Variants in CDH3 observed in about 807,000 individuals in gnomAD.
The protein encoded by CDH3 is cadherin-3.
Under a neutral mutation model 82.0 loss-of-function variants are expected in CDH3, and 54 were observed. The observed-to-expected ratio is 0.66, with a 90% CI of 0.53 to 0.83. The LOEUF is 0.83. CDH3 is among the 40% of genes least tolerant of loss of function. CDH3 has a pLI of 0.00. For missense variants in CDH3, 1,054 were observed against 1,084.6 expected, an observed-to-expected ratio of 0.97 and a Z score of 0.40; for synonymous variants, 446 against 437.9, an observed-to-expected ratio of 1.02 and a Z score of -0.23.
chr16:68,656,379 A>G (rs1474143726), intron 2 of CDH3, among the ~76,000 whole-genome samples: 1 of 152,096 alleles, frequency 6.6e-6, no homozygotes, highest in Non-Finnish European at 1.5e-5. Flanking sequence ...TTCTCATTTC[A>G]TTTAGTCACC....
intron 1 of CDH3, among the ~76,000 whole-genome samples, chr16:68,720,180 A>C (rs1962144607): frequency 1.3e-5 from 2 of 151,988 alleles, no homozygotes; most frequent in Non-Finnish European, 2.9e-5. Context: ...AAACCAAACC[A>C]AAACAAAAAA....
At chr16:68,655,491 G>A (rs1960387906) in intron 2 of CDH3, among the ~76,000 whole-genome samples, 1 of 152,152 alleles carries the variant, frequency 6.6e-6, no homozygotes, top group South Asian at 2.1e-4. Flanking sequence ...TGGCCTCAAA[G>A]GGCCACTTAT....
chr16:68,723,841 G>A (rs972141248), intron 2 of CDH3, among the ~76,000 whole-genome samples: 2 of 152,064 alleles, frequency 1.3e-5, no homozygotes, highest in African/African-American at 4.8e-5. Context: ...AGGCCGAGGT[G>A]GGTGGATCAC....
chr16:68,731,780 G>T (rs982227859), downstream of CDH3, among the ~76,000 whole-genome samples: 21 of 151,992 alleles, frequency 1.4e-4, no homozygotes, highest in African/African-American at 5.1e-4. Flanking sequence ...AATGGCTGCA[G>T]TGAGCCGAGA....
At chr16:68,704,077 G>A (rs1394805552), downstream of CDH3, among the ~76,000 whole-genome samples, 2 of 152,104 alleles carry the variant, frequency 1.3e-5, no homozygotes, top group Non-Finnish European at 2.9e-5. Context: ...ACGAGGTCAG[G>A]AGATCGAGAC....
chr16:68,721,986 G>C (rs1161188662), intron 1 of CDH3, among the ~76,000 whole-genome samples: 1 of 152,104 alleles, frequency 6.6e-6, no homozygotes, highest in African/African-American at 2.4e-5. Context: ...CTACTCAGGA[G>C]ACTGAGGCAG....
At position 68,687,785 on chromosome 16, in the gene CDH3, G is replaced by A. The variant is rs375258307; in HGVS notation, c.1795+49G>A. ...GGGTGGGGTGCCAGCCCCACTGGTGGGCATCTGCCCCACACCAGGATTCTG... is the reference window on the plus strand; with the variant it reads ...GGGTGGGGTGCCAGCCCCACTGGTGAGCATCTGCCCCACACCAGGATTCTG... On this transcript the variant is annotated intron_variant, in intron 12 of 15. Transcript: ENST00000264012. The A allele has an allele frequency of 1.1e-3, 1,498 of 1,353,832 alleles. 13 individuals are homozygous for A. The highest frequency in any genetic ancestry group is 8.6e-3 in the South Asian group (737 of 85,374). The allele number at this position is 1,353,832 out of a possible 1,614,324, so 83.9% of individuals were successfully genotyped here.
intron 13 of CDH3, 120 bp downstream of exon 13, chr16:68,692,046 AT>A (rs1216870997): frequency 1.2e-4 from 88 of 727,572 alleles, no homozygotes; most frequent in East Asian, 1.6e-4. Context: ...CTCCTTAAAC[AT>A]TTTTTTTAAG....
exon 2 of CDH3, chr16:68,722,471 CCGGCTA>C (rs1407917980): frequency 1.3e-5 from 2 of 152,246 alleles, no homozygotes; most frequent in Non-Finnish European, 2.9e-5. Context: ...GCTCTTGCCA[CCGGCTA>C]CAGTCTGGAT....
At chr16:68,715,054 C>G (rs1299109932) in intron 1 of CDH3, among the ~76,000 whole-genome samples, 3 of 151,848 alleles carry the variant, frequency 2.0e-5, no homozygotes, top group Non-Finnish European at 4.4e-5. Context: ...GTACTATTAG[C>G]TCCATTTTAC....
chr16:68,674,325 TA>T (rs1960972786), intron 2 of CDH3, among the ~76,000 whole-genome samples: 1 of 152,254 alleles, frequency 6.6e-6, no homozygotes, highest in Non-Finnish European at 1.5e-5. Context: ...GGCCATTGTG[TA>T]TCTTCTCTGG....
intron 2 of CDH3, among the ~76,000 whole-genome samples, chr16:68,723,807 C>T (rs1018916512): frequency 1.2e-4 from 18 of 152,164 alleles, no homozygotes; most frequent in South Asian, 2.1e-4. Flanking sequence ...CGGTGGCTCA[C>T]GCCTGTAATC....
chr16:68,682,148 C>T (rs571213235), intron 8 of CDH3, among the ~76,000 whole-genome samples, 154 bp from the exon 9 acceptor site: 83 of 152,256 alleles, frequency 5.5e-4, no homozygotes, highest in Middle Eastern at 3.4e-3. Context: ...GACATCCTGC[C>T]GCTGTGTATA....
chr16:68,651,019 TG>T, intron 2 of CDH3: 1 of 379,086 alleles, frequency 2.6e-6, no homozygotes. Flanking sequence ...GAGAGCGTGC[TG>T]GGAGCCTTAG....
intron 1 of CDH3, among the ~76,000 whole-genome samples, chr16:68,717,618 C>T (rs1962110286): frequency 6.6e-6 from 1 of 151,992 alleles, no homozygotes; most frequent in South Asian, 2.1e-4. Flanking sequence ...ACTAAAAGTA[C>T]AAAAATTAGC....
At chr16:68,684,974 C>A in intron 10 of CDH3, 150 bp downstream of exon 10, 1 of 1,175,082 alleles carries the variant, frequency 8.5e-7, no homozygotes, top group Non-Finnish European at 1.2e-6. Flanking sequence ...CTCTTTGAGG[C>A]TGAAGACTGA....
chr16:68,679,292 G>A (rs1027312986), intron 6 of CDH3, among the ~76,000 whole-genome samples: 1 of 152,236 alleles, frequency 6.6e-6, no homozygotes, highest in African/African-American at 2.4e-5. Context: ...GAGTGGTGAA[G>A]ATTAGAAATA....
chr16:68,664,803 CA>C (rs899341429), intron 2 of CDH3, among the ~76,000 whole-genome samples: 13 of 151,934 alleles, frequency 8.6e-5, no homozygotes, highest in African/African-American at 3.1e-4. Context: ...GGACCACAGG[CA>C]TGCACTATCA....
intron 1 of CDH3, among the ~76,000 whole-genome samples, chr16:68,711,778 G>T (rs1962034127): frequency 6.6e-6 from 1 of 152,200 alleles, no homozygotes; most frequent in Admixed American, 6.5e-5. Context: ...GAGGGCATGG[G>T]CACTGACTCA....
Sources: gnomAD v4.1 joint callset for allele counts (sites outside exome capture counted in the v4.1 genomes callset) on GRCh38, gnomAD v4.1.1 for gene constraint, MANE v1.5 for transcripts, NCBI Gene and HGNC (gene_info 2026-07-23, HGNC 2026-07-21) for gene names.